The following RAB27B variants were observed in gnomAD, a reference collection of about 807,000 sequenced individuals.
RAB27B encodes the protein ras-related protein Rab-27B.
In RAB27B, 15 loss-of-function variants were observed where a neutral mutation model predicts 24.6. The observed-to-expected ratio is 0.61, with a 90% confidence interval of 0.41 to 0.94. The LOEUF (loss-of-function observed/expected upper bound fraction) is 0.94, where lower values mean the gene tolerates loss of function less well. Among genes scored for constraint, RAB27B ranks in the 40% least tolerant of loss-of-function variants. The pLI, the probability that RAB27B is intolerant of heterozygous loss-of-function variation, is 0.00. For synonymous variants in RAB27B, 105 were observed against 92.5 expected, an observed-to-expected ratio of 1.14 and a Z score of -0.78; for missense variants, 261 against 266.8, an observed-to-expected ratio of 0.98 and a Z score of 0.15.
chr18:54,795,969 C>T (rs962273280), intron 2 of RAB27B, among the ~76,000 whole-genome samples: 3 of 152,064 alleles, frequency 2.0e-5, no homozygotes, highest in African/African-American at 7.2e-5. Flanking sequence ...ATGTATACAC[C>T]CGTGAAGCCA....
At chr18:54,740,769 G>T (rs1568048337) in intron 2 of RAB27B, among the ~76,000 whole-genome samples, 1 of 152,224 alleles carries the variant, frequency 6.6e-6, no homozygotes, top group Non-Finnish European at 1.5e-5. Flanking sequence ...ATATAAGCCA[G>T]TATATAGCAG....
intron 2 of RAB27B, among the ~76,000 whole-genome samples, chr18:54,726,641 G>A (rs946034717): frequency 2.0e-5 from 3 of 151,556 alleles, no homozygotes; most frequent in African/African-American, 2.4e-5. Flanking sequence ...AGGGCACATA[G>A]GTTTAATTCT....
intron 1 of RAB27B, among the ~76,000 whole-genome samples, chr18:54,875,676 T>A (rs780062681): frequency 6.6e-6 from 1 of 152,018 alleles, no homozygotes; most frequent in African/African-American, 2.4e-5. Context: ...ACATCCTACC[T>A]CAAAAAGCAT....
intron 2 of RAB27B, among the ~76,000 whole-genome samples, chr18:54,738,367 G>A (rs1203479510): frequency 1.3e-5 from 2 of 152,100 alleles, no homozygotes; most frequent in Non-Finnish European, 2.9e-5. Context: ...GGATCTGGTG[G>A]GAGGTGACTG....
rs144330805 is a variant in RAB27B, at chr18:54,873,872, G to A, written c.-19-3695G>A. On this transcript the variant is annotated intron_variant, in intron 1 of 5. Transcript: ENST00000262094. The stretch of plus-strand genomic sequence containing the variant: ...AGCTTAATATGTCAAATAGCCTATT[G>A]GAAAAATGAAGATTTTTCCACAGTG... 2.0e-3 allele frequency among the ~76,000 whole-genome samples: 301 copies of A among 152,078 alleles called. 10 individuals carry two copies. In the East Asian group the frequency reaches 0.032, roughly 16 times the overall value.
intron 2 of RAB27B, among the ~76,000 whole-genome samples, chr18:54,728,800 AG>A (rs957401015): frequency 7.6e-6 from 1 of 131,966 alleles, no homozygotes; most frequent in Admixed American, 8.7e-5. Flanking sequence ...TGCTTTAACC[AG>A]GGGGACAGAG....
chr18:54,723,136 TG>T (rs1180330964), intron 2 of RAB27B, among the ~76,000 whole-genome samples: 2 of 152,192 alleles, frequency 1.3e-5, no homozygotes, highest in Admixed American at 1.3e-4. Flanking sequence ...GGCTAAAATG[TG>T]TCCTTGTTCA....
chr18:54,719,753 A>T (rs192921706), intron 2 of RAB27B, among the ~76,000 whole-genome samples: 1 of 152,108 alleles, frequency 6.6e-6, no homozygotes, highest in African/African-American at 2.4e-5. Flanking sequence ...TTGTGTTATT[A>T]AAGTTTTCTC....
rs184252052 is a variant in RAB27B, at chr18:54,829,490, A to T, written c.-20+790A>T. 4.6e-5 allele frequency among the ~76,000 whole-genome samples: 7 copies of T among 152,340 alleles called. No homozygotes were observed. The East Asian group carries it at 1.3e-3, about 29-fold the overall frequency. On this transcript the variant is annotated intron_variant, in intron 1 of 5. Transcript: ENST00000262094. The stretch of plus-strand genomic sequence containing the variant: ...TGTAATTCCAGTTGTTTTAAACTGC[A>T]CATCATTAAATTAAGCCCAAAGTAA...
intron 1 of RAB27B, among the ~76,000 whole-genome samples, chr18:54,854,912 G>C (rs553923718): frequency 1.4e-3 from 218 of 152,234 alleles, no homozygotes; most frequent in African/African-American, 4.8e-3. Context: ...TCACAGACTG[G>C]GATTGGGGGA....
intron 1 of RAB27B, among the ~76,000 whole-genome samples, chr18:54,836,556 G>A (rs771578540): frequency 6.6e-6 from 1 of 151,830 alleles, no homozygotes; most frequent in African/African-American, 2.4e-5. Flanking sequence ...TGAGAACAGA[G>A]AACTAACTCA....
intron 2 of RAB27B, among the ~76,000 whole-genome samples, chr18:54,792,056 A>T (rs1301062595): frequency 6.6e-6 from 1 of 152,184 alleles, no homozygotes; most frequent in Non-Finnish European, 1.5e-5. Context: ...AGAACTGGGG[A>T]TACAGAAAGC....
intron 2 of RAB27B, among the ~76,000 whole-genome samples, chr18:54,820,843 A>G (rs1038867354): frequency 6.6e-6 from 1 of 152,208 alleles, no homozygotes; most frequent in African/African-American, 2.4e-5. Context: ...ATGGCTAGCT[A>G]GTTTTCCCAG....
intron 2 of RAB27B, among the ~76,000 whole-genome samples, chr18:54,739,846 T>A (rs1268476055): frequency 6.6e-6 from 1 of 152,214 alleles, no homozygotes; most frequent in Non-Finnish European, 1.5e-5. Context: ...TGTGATTAAT[T>A]TGCATTTCTT....
chr18:54,839,662 AC>A (rs1911032617), intron 1 of RAB27B, among the ~76,000 whole-genome samples: 1 of 152,126 alleles, frequency 6.6e-6, no homozygotes, highest in South Asian at 2.1e-4. Context: ...ACTATCTAGC[AC>A]CCCCAGATGC....
chr18:54,865,427 A>T lies in RAB27B; in HGVS notation c.-19-12140A>T, dbSNP rs141841476. On this transcript the variant is annotated intron_variant, in intron 1 of 5. Transcript: ENST00000262094. ...CTATACCATAATGTTGTAAAGAACT[A>T]TCTATGAAGTTTCCAGTTACCCTTT... 2.2e-4 allele frequency among the ~76,000 whole-genome samples: 33 copies of T among 152,312 alleles called. No homozygotes were observed. In the East Asian group the frequency reaches 6.2e-3, roughly 28 times the overall value.
rs755490016 is a variant in RAB27B, at chr18:54,889,442, C to T, written c.*29C>T. 1 of 1,565,086 alleles carries T rather than the reference C, an allele frequency of 6.4e-7. No homozygotes were observed. The highest frequency in any genetic ancestry group is 8.7e-7 in the Non-Finnish European group (1 of 1,155,068). ...CTACATAGAAACTGAACATCAAGAA[C>T]CCCACCAAAATATTACTTTTAAAAA... On this transcript the variant is annotated 3_prime_UTR_variant, in exon 6 of 6. Transcript: ENST00000262094.
intron 2 of RAB27B, among the ~76,000 whole-genome samples, chr18:54,721,978 CTT>C (rs1909372900): frequency 6.6e-6 from 1 of 152,266 alleles, no homozygotes; most frequent in African/African-American, 2.4e-5. Context: ...CATTCTGAAA[CTT>C]TGAAATCTTG....
chr18:54,876,553 T>C (rs1421434305), intron 1 of RAB27B, among the ~76,000 whole-genome samples: 2 of 152,034 alleles, frequency 1.3e-5, no homozygotes, highest in Non-Finnish European at 2.9e-5. Flanking sequence ...ATTCAGGAAG[T>C]TGTACCGAGC....
Sources: allele counts gnomAD v4.1 joint callset (sites outside exome capture counted in the v4.1 genomes callset), GRCh38; gene constraint gnomAD v4.1.1; transcripts MANE v1.5; gene names NCBI Gene and HGNC (gene_info 2026-07-23, HGNC 2026-07-21).